The following CCDC7 variants were observed in gnomAD, a reference collection of about 807,000 sequenced individuals.
The protein encoded by CCDC7 is coiled-coil domain-containing protein 7.
Under a neutral mutation model 196.9 loss-of-function variants are expected in CCDC7, and 183 were observed. That is an observed-to-expected ratio of 0.93 (90% CI 0.82 to 1.05). The LOEUF (loss-of-function observed/expected upper bound fraction) is 1.05. Ranked by LOEUF, CCDC7 falls within the 50% of genes least tolerant of loss-of-function variation. The pLI, the probability that CCDC7 is intolerant of heterozygous loss-of-function variation, is 0.00. For synonymous variants in CCDC7, 525 were observed against 484.6 expected (o/e 1.08, Z -1.10); for missense variants, 1,540 against 1,482.2 (o/e 1.04, Z -0.64).
intron 16 of CCDC7, among the ~76,000 whole-genome samples, chr10:32,575,746 C>T (rs996944981): frequency 4.6e-5 from 7 of 152,142 alleles, no homozygotes; most frequent in Admixed American, 1.3e-4. Flanking sequence ...AGAGAATCAC[C>T]GGGACCATCC....
rs1053096660 is a variant in CCDC7, at chr10:32,685,999, G to A, written c.2152G>A (p.Val718Ile). 9 of 1,586,846 alleles carry A rather than the reference G, an allele frequency of 5.7e-6. No homozygotes were observed. The African/African-American group carries it at 1.2e-4, about 22-fold the overall frequency. Residue 718 changes from valine (V) to isoleucine (I), a missense_variant, in exon 22 of 42, where the codon GTA (valine) becomes ATA (isoleucine). Coordinates refer to ENST00000639629, the Ensembl canonical transcript of CCDC7. The stretch of plus-strand genomic sequence containing the variant: ...TAATGAAGTACCAAATGAAAGGCTT[G>A]TAGTTGAGCATCAAGAATCATTGTC...
At chr10:32,617,526 C>A (rs1034272379) in intron 18 of CCDC7, among the ~76,000 whole-genome samples, 8 of 151,584 alleles carry the variant, frequency 5.3e-5, no homozygotes, top group African/African-American at 1.9e-4. Context: ...AAATTTATAT[C>A]TTATTTTTTC....
At chr10:32,869,413 G>T (rs563998690) in intron 41 of CCDC7, among the ~76,000 whole-genome samples, 5 of 151,434 alleles carry the variant, frequency 3.3e-5, no homozygotes, top group African/African-American at 1.2e-4. Context: ...TTTTGATGGG[G>T]TTGTTTTTTT....
intron 18 of CCDC7, among the ~76,000 whole-genome samples, chr10:32,600,439 C>G (rs1327864519): frequency 6.6e-6 from 1 of 151,950 alleles, no homozygotes; most frequent in Non-Finnish European, 1.5e-5. Flanking sequence ...ATTCATTTAT[C>G]AAATATAGGA....
rs1378981634 is a variant in CCDC7 at position 32,461,711 on chromosome 10, ATATATATATATATATATATG to A, written c.457-952_457-933del. 4.2e-3 allele frequency among the ~76,000 whole-genome samples: 254 copies of A among 60,668 alleles called. 1 individual carries two copies. The highest frequency in any genetic ancestry group is 0.018 in the African/African-American group (225 of 12,658). The allele number at this position is 60,668 out of a possible 152,430, so 39.8% of individuals were successfully genotyped here. On this transcript the variant is annotated intron_variant, in intron 3 of 41. Transcript: ENST00000639629. Reference sequence around the variant, plus strand: ...CATATATGTGTGTGTGTGTGTGTGTATATATATATATATATATATGTATATATATATATATATATACATAT... The same window carrying A: ...CATATATGTGTGTGTGTGTGTGTGTATATATATATATATATATATACATAT...
chr10:32,764,851 T>C (rs2078020738), intron 28 of CCDC7, among the ~76,000 whole-genome samples: 1 of 152,032 alleles, frequency 6.6e-6, no homozygotes, highest in Non-Finnish European at 1.5e-5. Flanking sequence ...AGAGGCCAAG[T>C]GGTGGCATTT....
At chr10:32,867,637 C>T (rs2094251401) in intron 41 of CCDC7, among the ~76,000 whole-genome samples, 1 of 151,380 alleles carries the variant, frequency 6.6e-6, no homozygotes, top group South Asian at 2.1e-4. Flanking sequence ...TATAAGTAGG[C>T]AATTCACAGA....
chr10:32,514,998 A>AT (rs2046804484), intron 9 of CCDC7, among the ~76,000 whole-genome samples: 1 of 151,822 alleles, frequency 6.6e-6, no homozygotes, highest in East Asian at 1.9e-4. Flanking sequence ...CAATTAAAAA[A>AT]TTTTTTTTGT....
chr10:32,675,903 C>T (rs909873062), intron 21 of CCDC7: 2 of 151,708 alleles, frequency 1.3e-5, no homozygotes, highest in South Asian at 2.1e-4. Context: ...TCATATGGAA[C>T]CAAAAAAGAG....
chr10:32,854,478 C>T (rs367590936), exon 41 of CCDC7: 13 of 1,565,128 alleles, frequency 8.3e-6, no homozygotes, highest in Non-Finnish European at 1.1e-5. Context: ...GTTGGAAAAC[C>T]TACCTATAAA....
chr10:32,548,800 T>C (rs1335045057), intron 13 of CCDC7, among the ~76,000 whole-genome samples: 2 of 152,224 alleles, frequency 1.3e-5, no homozygotes, highest in Non-Finnish European at 2.9e-5. Flanking sequence ...AGTTTCTTTA[T>C]CCACTTGTTG....
chr10:32,552,981 G>A (rs535205522), intron 13 of CCDC7, among the ~76,000 whole-genome samples: 41 of 151,980 alleles, frequency 2.7e-4, no homozygotes, highest in African/African-American at 9.2e-4. Context: ...GCAAGGCTGG[G>A]GAAGTTTTCC....
intron 41 of CCDC7, among the ~76,000 whole-genome samples, chr10:32,864,598 G>A (rs1445323188): frequency 2.0e-5 from 3 of 151,316 alleles, no homozygotes; most frequent in Non-Finnish European, 4.4e-5. Context: ...TAAAGATGAA[G>A]TGTTCAAGAA....
intron 29 of CCDC7, among the ~76,000 whole-genome samples, chr10:32,784,227 T>C (rs1307608190): frequency 6.6e-6 from 1 of 152,234 alleles, no homozygotes. Flanking sequence ...TATTTTATTT[T>C]ATTTTTTAAG....
At chr10:32,714,952 G>T (rs936028603) in intron 25 of CCDC7, among the ~76,000 whole-genome samples, 5 of 152,232 alleles carry the variant, frequency 3.3e-5, no homozygotes, top group Non-Finnish European at 5.9e-5. Flanking sequence ...TCTGGGGGAA[G>T]GGGTGGCTGT....
chr10:32,565,564 G>A (rs751565824), exon 14 of CCDC7: 75 of 1,608,192 alleles, frequency 4.7e-5, no homozygotes, highest in Non-Finnish European at 6.3e-5. Flanking sequence ...CTAGAAAGTA[G>A]CACGTCTGGA....
At chr10:32,494,687 T>C (rs539672561) in intron 9 of CCDC7, among the ~76,000 whole-genome samples, 96 of 152,214 alleles carry the variant, frequency 6.3e-4, no homozygotes, top group African/African-American at 2.3e-3. Context: ...AGAATGATGG[T>C]TTCCAGCTTC....
intron 41 of CCDC7, among the ~76,000 whole-genome samples, chr10:32,872,692 A>G (rs1380822609): frequency 6.6e-6 from 1 of 151,760 alleles, no homozygotes; most frequent in East Asian, 1.9e-4. Context: ...GTTCCTTTCC[A>G]TGTTTAGTGC....
intron 13 of CCDC7, among the ~76,000 whole-genome samples, chr10:32,550,119 T>A (rs1205421751): frequency 1.3e-5 from 2 of 151,978 alleles, no homozygotes; most frequent in Non-Finnish European, 1.5e-5. Context: ...TCCTTGTAGA[T>A]GTCTTTCAAC....
Sources: gnomAD v4.1 joint callset for allele counts (sites outside exome capture counted in the v4.1 genomes callset) on GRCh38, gnomAD v4.1.1 for gene constraint, MANE v1.5 for transcripts, NCBI Gene and HGNC (gene_info 2026-07-23, HGNC 2026-07-21) for gene names.